Variants in GALNT18 observed in about 807,000 individuals in gnomAD.
The protein encoded by GALNT18 is polypeptide N-acetylgalactosaminyltransferase 18.
Under a neutral mutation model 69.5 loss-of-function variants are expected in GALNT18, and 44 were observed. The ratio of observed to expected loss-of-function variants is 0.63; its 90% confidence interval spans 0.50 to 0.81. GALNT18 has a LOEUF of 0.81. Ranked by LOEUF, GALNT18 falls within the 40% of genes least tolerant of loss-of-function variation. GALNT18 has a pLI of 0.00. For synonymous variants in GALNT18, 364 were observed against 318.2 expected (o/e 1.14, Z -1.53); for missense variants, 715 against 810.0 (o/e 0.88, Z 1.42).
Position 11,498,211 on chromosome 11 carries a change from T to G in GALNT18, c.236-49275A>C, listed in dbSNP as rs544552716. ...GACTTTTATCAAGTCGTTCAATGCA[T>G]GCAACTTGATTTTTTCTAAGAAGCA... On this transcript the variant is annotated intron_variant, in intron 1 of 10. Coordinates refer to ENST00000227756, the MANE Select transcript of GALNT18 (RefSeq NM_198516.3). Among the ~76,000 whole-genome samples the G allele has an allele frequency of 4.6e-5, 7 of 152,364 alleles. No individual in the cohort carries two copies. The South Asian group carries it at 1.2e-3, about 27-fold the overall frequency.
At chr11:11,525,865 C>T (rs910116654) in intron 1 of GALNT18, among the ~76,000 whole-genome samples, 8 of 151,964 alleles carry the variant, frequency 5.3e-5, no homozygotes, top group Admixed American at 1.3e-4. Flanking sequence ...AACTCCCAAC[C>T]TCAGGTGATC....
intron 1 of GALNT18, among the ~76,000 whole-genome samples, chr11:11,472,525 A>G (rs1856294813): frequency 6.6e-6 from 1 of 152,194 alleles, no homozygotes; most frequent in African/African-American, 2.4e-5. Context: ...ATTCTGTAAT[A>G]AGAAATCGGT....
Position 11,396,704 on chromosome 11 carries a change from A to T in GALNT18, c.596-17440T>A, listed in dbSNP as rs1472540595. 6.6e-6 allele frequency among the ~76,000 whole-genome samples: 1 copy of T among 152,258 alleles called. No homozygotes were observed. Among genetic ancestry groups the T allele is most frequent in the African/African-American group, 2.4e-5 (1 of 41,556 alleles). On this transcript the variant is annotated intron_variant, in intron 3 of 10. Coordinates refer to ENST00000227756, the MANE Select transcript of GALNT18 (RefSeq NM_198516.3). The surrounding 1 kb of genome is among the most constrained non-coding windows in gnomAD (Gnocchi z 5.2). ...GGGTGAAAGTGTTTGGTGAGGTCAA[A>T]AGGGAAGAAGAACAGAGGTGAGAGC...
chr11:11,621,304 C>G lies in GALNT18; in HGVS notation c.235+55G>C. On this transcript the variant is annotated intron_variant, in intron 1 of 10. Coordinates refer to ENST00000227756, the MANE Select transcript of GALNT18 (RefSeq NM_198516.3). The surrounding 1 kb of genome is among the most constrained non-coding windows in gnomAD (Gnocchi z 9.3). ...GCACCAGCCCCAGCGCACCCCGCGC[C>G]GCGCGGGGCACTCCCGGGCCTCATG... The G allele has an allele frequency of 6.8e-7, 1 of 1,475,190 alleles. No individual in the cohort carries two copies. Among genetic ancestry groups the G allele is most frequent in the Non-Finnish European group, 9.4e-7 (1 of 1,066,860 alleles). 91.4% of individuals were successfully genotyped at this position (1,475,190 alleles called of 1,614,324 possible).
In GALNT18 at chr11:11,439,579, C is replaced by T. The variant is rs1484764381; in HGVS notation, c.429-6792G>A. 1.3e-5 allele frequency among the ~76,000 whole-genome samples: 2 copies of T among 152,178 alleles called. No homozygotes were observed. Among genetic ancestry groups the T allele is most frequent in the African/African-American group, 2.4e-5 (1 of 41,438 alleles). The stretch of plus-strand genomic sequence containing the variant: ...TTTTTATATGTGATCATTTAACAAA[C>T]GTCAGTGTCTCCACTAGACTATAAG... On this transcript the variant is annotated intron_variant, in intron 2 of 10. Transcript: ENST00000227756. The surrounding 1 kb of genome is among the most constrained non-coding windows in gnomAD (Gnocchi z 4.4).
chr11:11,283,953 C>T (rs947341556), intron 10 of GALNT18, among the ~76,000 whole-genome samples: 1 of 151,724 alleles, frequency 6.6e-6, no homozygotes, highest in Non-Finnish European at 1.5e-5. Flanking sequence ...AGCCTAATTC[C>T]TCCTCCTTCT....
chr11:11,348,175 C>T (rs1266324978), intron 6 of GALNT18, among the ~76,000 whole-genome samples: 2 of 151,830 alleles, frequency 1.3e-5, no homozygotes, highest in African/African-American at 2.4e-5. Flanking sequence ...GTCAGGAGTT[C>T]GACACCAGCC....
At chr11:11,296,746 T>A (rs1451021056) in intron 9 of GALNT18, among the ~76,000 whole-genome samples, 1 of 152,168 alleles carries the variant, frequency 6.6e-6, no homozygotes, top group African/African-American at 2.4e-5. Context: ...GGGAAAATCA[T>A]AATGGGGCAG....
intron 1 of GALNT18, among the ~76,000 whole-genome samples, chr11:11,471,828 T>C (rs1856277157): frequency 6.6e-6 from 1 of 152,220 alleles, no homozygotes; most frequent in Non-Finnish European, 1.5e-5. Context: ...TCCCCTTGGC[T>C]CCTGCCCTGC....
At chr11:11,577,928 A>G (rs1211035166) in intron 1 of GALNT18, among the ~76,000 whole-genome samples, 1 of 152,238 alleles carries the variant, frequency 6.6e-6, no homozygotes, top group Non-Finnish European at 1.5e-5. Flanking sequence ...TTGGCAGGAA[A>G]AGGGCAAGAA....
intron 6 of GALNT18, among the ~76,000 whole-genome samples, chr11:11,358,095 C>A (rs1850568442): frequency 1.1e-5 from 1 of 91,204 alleles, no homozygotes; most frequent in East Asian, 2.0e-4. Context: ...ATGCCCATGT[C>A]CAATTTTAAA....
At chr11:11,458,995 C>T (rs1037319700) in intron 1 of GALNT18, among the ~76,000 whole-genome samples, 1 of 152,154 alleles carries the variant, frequency 6.6e-6, no homozygotes, top group East Asian at 1.9e-4. Flanking sequence ...TTTACTTGAG[C>T]GAGAAGGGGG....
Position 11,377,116 on chromosome 11 carries a change from G to T in GALNT18, c.977+66C>A. On this transcript the variant is annotated intron_variant, in intron 5 of 10. Transcript: ENST00000227756. The surrounding 1 kb of genome is among the most constrained non-coding windows in gnomAD (Gnocchi z 4.6). ...GGCTCAAGTTGGAGAATAAGCATTG[G>T]ACCAGTAGGCGGTCCCTAGCCTGGA... 1 of 1,475,096 alleles carries T rather than the reference G, an allele frequency of 6.8e-7. No homozygotes were observed. Among genetic ancestry groups the T allele is most frequent in the Non-Finnish European group, 9.4e-7 (1 of 1,062,132 alleles). 91.4% of individuals were successfully genotyped at this position (1,475,096 alleles called of 1,614,324 possible).
At chr11:11,360,356 T>C (rs901694704) in intron 6 of GALNT18, among the ~76,000 whole-genome samples, 2 of 152,214 alleles carry the variant, frequency 1.3e-5, no homozygotes, top group Admixed American at 1.3e-4. Context: ...GCCTTGCGTT[T>C]TGACCCTGAG....
At position 11,555,151 on chromosome 11, in the gene GALNT18, G is replaced by A. The variant is rs1858297873; in HGVS notation, c.235+66208C>T. ...CATCGGGACTTGAACTAAGGACTCT[G>A]AATGATGAGTCCTGCTCAGGATCCC... On this transcript the variant is annotated intron_variant, in intron 1 of 10. Coordinates refer to ENST00000227756, the MANE Select transcript of GALNT18 (RefSeq NM_198516.3). The surrounding 1 kb of genome is among the most constrained non-coding windows in gnomAD (Gnocchi z 4.7). Among the ~76,000 whole-genome samples, 1 of 152,222 alleles carries A rather than the reference G, an allele frequency of 6.6e-6. No homozygotes were observed.
intron 3 of GALNT18, among the ~76,000 whole-genome samples, chr11:11,401,005 A>C (rs1854451918): frequency 3.3e-5 from 5 of 152,188 alleles, no homozygotes; most frequent in Admixed American, 6.5e-5. Flanking sequence ...CGGCCGGGGC[A>C]GGAACGTAGG....
intron 9 of GALNT18, among the ~76,000 whole-genome samples, chr11:11,321,172 G>A (rs766667445): frequency 1.1e-4 from 17 of 152,192 alleles, no homozygotes; most frequent in Non-Finnish European, 1.9e-4. Context: ...GATTGTCAGA[G>A]CTAGGAGTGT....
intron 9 of GALNT18, among the ~76,000 whole-genome samples, chr11:11,308,640 C>T (rs1000148487): frequency 2.6e-5 from 4 of 152,134 alleles, no homozygotes; most frequent in African/African-American, 9.7e-5. Context: ...TTGACACTCT[C>T]CTCTCCCCTG....
rs1226010112 is a variant in GALNT18 at position 11,435,023 on chromosome 11, C to A, written c.429-2236G>T. On this transcript the variant is annotated intron_variant, in intron 2 of 10. Transcript: ENST00000227756. This position sits in a 1 kb window ranked among gnomAD's most constrained non-coding sequence, Gnocchi z 4.4. The stretch of plus-strand genomic sequence containing the variant: ...TTTAAAAAGTAATACCATCTGTGGC[C>A]AAACAAATAGTACATGAATTCTTCT... Among the ~76,000 whole-genome samples the A allele has an allele frequency of 6.6e-6, 1 of 152,032 alleles. No individual in the cohort carries two copies. The highest frequency in any genetic ancestry group is 2.4e-5 in the African/African-American group (1 of 41,350).
Sources: allele counts gnomAD v4.1 joint callset (sites outside exome capture counted in the v4.1 genomes callset), GRCh38; gene constraint gnomAD v4.1.1; non-coding constraint Gnocchi (gnomAD v3.1); transcripts MANE v1.5; gene names NCBI Gene and HGNC (gene_info 2026-07-23, HGNC 2026-07-21).